Variants in SPOCK3 observed in about 807,000 individuals in gnomAD.
The protein encoded by SPOCK3 is testican-3.
In SPOCK3, 30 loss-of-function variants were observed where a neutral mutation model predicts 56.6. The ratio of observed to expected loss-of-function variants is 0.53; its 90% CI spans 0.40 to 0.72. SPOCK3 has a LOEUF of 0.72. Ranked by LOEUF, SPOCK3 falls within the 30% of genes least tolerant of loss-of-function variation. The probability of loss-of-function intolerance (pLI) is 0.00; values close to 1 mark genes in which losing one functional copy is unlikely to be tolerated. For missense variants in SPOCK3, 527 were observed against 530.0 expected, an observed-to-expected ratio of 0.99 and a Z score of 0.06; for synonymous variants, 196 against 183.3, an observed-to-expected ratio of 1.07 and a Z score of -0.56.
At chr4:167,135,680 C>CGTGTGT (rs57918767) in intron 2 of SPOCK3, among the ~76,000 whole-genome samples, 2,085 of 147,742 alleles carry the variant, frequency 0.014, 40 homozygotes, top group African/African-American at 0.046. Context: ...CTATATAAAA[C>CGTGTGT]GTGTGTGTGT....
chr4:167,127,833 C>A (rs1485161446), intron 2 of SPOCK3, among the ~76,000 whole-genome samples: 2 of 152,296 alleles, frequency 1.3e-5, no homozygotes, highest in Admixed American at 6.5e-5. Flanking sequence ...AAAATAAATT[C>A]TCCTAAACTT....
intron 6 of SPOCK3, among the ~76,000 whole-genome samples, chr4:166,847,661 A>AGATATATATATC: frequency 1.0e-5 from 1 of 97,056 alleles, no homozygotes; most frequent in East Asian, 4.3e-4. Context: ...ATATATATAT[A>AGATATATATATC]TATATATATA....
intron 6 of SPOCK3, among the ~76,000 whole-genome samples, chr4:166,839,139 T>C (rs1746962067): frequency 6.6e-6 from 1 of 152,044 alleles, no homozygotes; most frequent in Non-Finnish European, 1.5e-5. Context: ...TGATTCATAG[T>C]TCTATTTTAG....
chr4:167,210,390 T>C (rs946049503), intron 2 of SPOCK3, among the ~76,000 whole-genome samples: 5 of 152,164 alleles, frequency 3.3e-5, no homozygotes, highest in African/African-American at 1.2e-4. Flanking sequence ...TCACAGTGCA[T>C]TGAATCATTA....
intron 6 of SPOCK3, among the ~76,000 whole-genome samples, chr4:166,811,896 T>C (rs1465012110): frequency 6.6e-6 from 1 of 151,866 alleles, no homozygotes; most frequent in Non-Finnish European, 1.5e-5. Context: ...ATTTTATTAT[T>C]TAGATTGAGA....
chr4:167,058,808 G>T (rs1423932337), intron 3 of SPOCK3, among the ~76,000 whole-genome samples: 1 of 152,134 alleles, frequency 6.6e-6, no homozygotes, highest in South Asian at 2.1e-4. Context: ...CAGAGATATA[G>T]ATCAATGGAA....
chr4:166,847,981 C>T (rs1160557679), intron 6 of SPOCK3, among the ~76,000 whole-genome samples: 1 of 151,972 alleles, frequency 6.6e-6, no homozygotes, highest in Non-Finnish European at 1.5e-5. Context: ...AGCTAGAAAC[C>T]ATCTGGCTTG....
intron 4 of SPOCK3, among the ~76,000 whole-genome samples, chr4:166,931,509 T>C (rs1454814112): frequency 5.3e-4 from 80 of 152,324 alleles, no homozygotes; most frequent in Non-Finnish European, 2.9e-4. Context: ...CCCTGGAATA[T>C]AAGTTCCTTT....
At chr4:166,780,712 G>T (rs1357437504) in intron 7 of SPOCK3, among the ~76,000 whole-genome samples, 1 of 152,114 alleles carries the variant, frequency 6.6e-6, no homozygotes, top group Non-Finnish European at 1.5e-5. Flanking sequence ...TTCTGAGAAA[G>T]TCCTACCTTT....
intron 3 of SPOCK3, among the ~76,000 whole-genome samples, chr4:167,035,103 C>T (rs955104096): frequency 3.9e-5 from 6 of 152,082 alleles, no homozygotes; most frequent in African/African-American, 1.2e-4. Context: ...AAGGGAGTAA[C>T]TCTGCCAACT....
chr4:166,820,760 G>A (rs1328937112), intron 6 of SPOCK3, among the ~76,000 whole-genome samples: 1 of 151,932 alleles, frequency 6.6e-6, no homozygotes, highest in Non-Finnish European at 1.5e-5. Context: ...TGAGGTGGAG[G>A]CTGCAAGGAG....
At chr4:167,038,204 T>C (rs1752930657) in intron 3 of SPOCK3, among the ~76,000 whole-genome samples, 1 of 152,116 alleles carries the variant, frequency 6.6e-6, no homozygotes, top group South Asian at 2.1e-4. Flanking sequence ...CTTCAAAAAT[T>C]TTAGGATTCC....
At chr4:166,900,455 C>T (rs1356975543) in intron 5 of SPOCK3, among the ~76,000 whole-genome samples, 1 of 152,142 alleles carries the variant, frequency 6.6e-6, no homozygotes, top group Non-Finnish European at 1.5e-5. Context: ...TTGCTGTCCC[C>T]AGAAAAGGAG....
chr4:166,865,839 A>C (rs950699711), intron 6 of SPOCK3, among the ~76,000 whole-genome samples: 3 of 152,234 alleles, frequency 2.0e-5, no homozygotes, highest in Non-Finnish European at 4.4e-5. Context: ...CAATATCATG[A>C]AAATGGCCAT....
At chr4:166,898,661 T>G (rs1396882543) in intron 5 of SPOCK3, among the ~76,000 whole-genome samples, 1 of 152,180 alleles carries the variant, frequency 6.6e-6, no homozygotes, top group Non-Finnish European at 1.5e-5. Flanking sequence ...ATACTTGTAC[T>G]TTTTTATCTG....
At chr4:166,834,014 T>C (rs1579359967) in intron 6 of SPOCK3, among the ~76,000 whole-genome samples, 1 of 152,316 alleles carries the variant, frequency 6.6e-6, no homozygotes, top group Non-Finnish European at 1.5e-5. Flanking sequence ...AATATCTTAC[T>C]CAGAGCAAAA....
At chr4:167,168,258 A>G (rs138281343) in intron 2 of SPOCK3, among the ~76,000 whole-genome samples, 7,082 of 152,232 alleles carry the variant, frequency 0.047, 520 homozygotes, top group African/African-American at 0.16. Flanking sequence ...ATGTGGAAGC[A>G]ACTTTGGAAC....
intron 4 of SPOCK3, among the ~76,000 whole-genome samples, chr4:166,952,576 A>G (rs1470546553): frequency 4.6e-5 from 7 of 152,138 alleles, no homozygotes; most frequent in East Asian, 1.9e-4. Flanking sequence ...AGAATTGGAA[A>G]AAACTACTTT....
At chr4:166,995,909 C>T (rs1748317844) in intron 4 of SPOCK3, among the ~76,000 whole-genome samples, 1 of 152,032 alleles carries the variant, frequency 6.6e-6, no homozygotes, top group South Asian at 2.1e-4. Context: ...TTGTGGAACA[C>T]TATATAACTT....
Sources: allele counts gnomAD v4.1 joint callset (sites outside exome capture counted in the v4.1 genomes callset), GRCh38; gene constraint gnomAD v4.1.1; transcripts MANE v1.5; gene names NCBI Gene and HGNC (gene_info 2026-07-23, HGNC 2026-07-21).